The following SH3RF3 variants were observed in gnomAD, a reference collection of about 807,000 sequenced individuals.
SH3RF3 encodes the protein SH3 domain containing ring finger 3.
A neutral mutation model predicts 66.3 loss-of-function variants in SH3RF3; 29 were observed. That is an observed-to-expected ratio of 0.44 (90% CI 0.33 to 0.60). SH3RF3 has a LOEUF of 0.60. Among genes scored for constraint, SH3RF3 ranks in the 20% least tolerant of loss-of-function variants. SH3RF3 has a pLI of 0.04. For synonymous variants in SH3RF3, 583 were observed against 532.0 expected, an observed-to-expected ratio of 1.10 and a Z score of -1.32; for missense variants, 1,194 against 1,190.9, an observed-to-expected ratio of 1.00 and a Z score of -0.04.
chr2:109,235,010 T>C (rs1177102748), intron 1 of SH3RF3, among the ~76,000 whole-genome samples: 4 of 152,202 alleles, frequency 2.6e-5, no homozygotes, highest in Non-Finnish European at 4.4e-5. Flanking sequence ...TTATCTGATA[T>C]CTTTAGAAGC....
In SH3RF3 at chr2:109,408,596, G is replaced by A. The variant is rs546133750; in HGVS notation, c.1299+9653G>A. On this transcript the variant is annotated intron_variant, in intron 4 of 9. Coordinates refer to ENST00000309415, the MANE Select transcript of SH3RF3 (RefSeq NM_001099289.3). ...TCCCCTCTACCAGCCCGTGAGCTTC[G>A]CTGCGGCAAGAGAGTGCTTTCCCTC... is the stretch of plus-strand genomic sequence containing the variant. Among the ~76,000 whole-genome samples, 33 of 152,352 alleles carry A rather than the reference G, an allele frequency of 2.2e-4. No homozygotes were observed. The East Asian group carries it at 4.1e-3, about 19-fold the overall frequency.
At chr2:109,368,201 C>T (rs1027340392) in intron 2 of SH3RF3, among the ~76,000 whole-genome samples, 2 of 152,078 alleles carry the variant, frequency 1.3e-5, no homozygotes, top group Non-Finnish European at 2.9e-5. Context: ...AGACATTAAG[C>T]CTTTGTCTCT....
At chr2:109,240,113 C>A in intron 1 of SH3RF3, among the ~76,000 whole-genome samples, 1 of 152,164 alleles carries the variant, frequency 6.6e-6, no homozygotes, top group East Asian at 1.9e-4. Flanking sequence ...GTGAACCACA[C>A]CTGGGGATTC....
At chr2:109,484,063 CTTTCTT>C (rs751944984) in intron 8 of SH3RF3, among the ~76,000 whole-genome samples, 1,936 of 139,514 alleles carry the variant, frequency 0.014, 55 homozygotes, top group African/African-American at 0.049. Context: ...ATCCTCTGGC[CTTTCTT>C]TTTTTTTTTT....
intron 1 of SH3RF3, among the ~76,000 whole-genome samples, chr2:109,142,049 G>T (rs1676965627): frequency 1.3e-5 from 2 of 151,542 alleles, no homozygotes; most frequent in South Asian, 2.1e-4. Flanking sequence ...CTCCTGGGGG[G>T]GGGGTCTCAG....
At chr2:109,330,129 CACT>C (rs1322344599) in intron 1 of SH3RF3, among the ~76,000 whole-genome samples, 1 of 152,186 alleles carries the variant, frequency 6.6e-6, no homozygotes, top group Non-Finnish European at 1.5e-5. Context: ...CCTTTGCTCC[CACT>C]CTGGGGCAGC....
intron 1 of SH3RF3, among the ~76,000 whole-genome samples, chr2:109,340,086 G>A (rs551816172): frequency 1.8e-4 from 27 of 152,302 alleles, no homozygotes; most frequent in African/African-American, 5.5e-4. Flanking sequence ...GTTATCGGGA[G>A]TGTCTGGTGG....
chr2:109,233,577 T>G (rs2105193672), intron 1 of SH3RF3, among the ~76,000 whole-genome samples: 1 of 152,368 alleles, frequency 6.6e-6, no homozygotes, highest in South Asian at 2.1e-4. Context: ...TGTTCTCATT[T>G]AGGGCCATGG....
intron 1 of SH3RF3, among the ~76,000 whole-genome samples, chr2:109,200,782 G>A (rs770016664): frequency 9.2e-5 from 14 of 152,150 alleles, no homozygotes; most frequent in African/African-American, 7.2e-5. Flanking sequence ...CTTTAGGGCC[G>A]GCTGAGCACA....
intron 1 of SH3RF3, among the ~76,000 whole-genome samples, chr2:109,280,512 A>G (rs535922771): frequency 4.2e-4 from 64 of 152,294 alleles, no homozygotes; most frequent in African/African-American, 1.5e-3. Flanking sequence ...CTGGGGCTCC[A>G]CTGGGGCCAT....
At chr2:109,241,554 C>A (rs1679782456) in intron 1 of SH3RF3, among the ~76,000 whole-genome samples, 1 of 152,110 alleles carries the variant, frequency 6.6e-6, no homozygotes, top group Admixed American at 6.5e-5. Flanking sequence ...CCCTCCCACA[C>A]AACCTTCTTC....
intron 1 of SH3RF3, among the ~76,000 whole-genome samples, chr2:109,271,907 C>T (rs62151317): frequency 0.022 from 3,390 of 152,324 alleles, 54 homozygotes; most frequent in Non-Finnish European, 0.035. Flanking sequence ...CTAACCGCTA[C>T]GCACACACAC....
chr2:109,481,110 C>G (rs972150893), intron 8 of SH3RF3, among the ~76,000 whole-genome samples: 2 of 152,198 alleles, frequency 1.3e-5, no homozygotes, highest in African/African-American at 2.4e-5. Flanking sequence ...GACAGCTGTT[C>G]AGAAAGGCAG....
At chr2:109,206,676 C>T (rs1678849423) in intron 1 of SH3RF3, among the ~76,000 whole-genome samples, 1 of 151,860 alleles carries the variant, frequency 6.6e-6, no homozygotes. Flanking sequence ...ATTAGCTGGG[C>T]ATATTAGTGT....
chr2:109,249,810 C>T (rs1680041487), intron 1 of SH3RF3, among the ~76,000 whole-genome samples: 1 of 151,578 alleles, frequency 6.6e-6, no homozygotes, highest in African/African-American at 2.4e-5. Flanking sequence ...GCGCCCGCCA[C>T]CGCGCCCGGC....
At chr2:109,429,943 C>T (rs7600011) in intron 5 of SH3RF3, among the ~76,000 whole-genome samples, 65,595 of 152,108 alleles carry the variant, frequency 0.43, 14,231 homozygotes, top group Admixed American at 0.46. Flanking sequence ...TAGCCGCAGC[C>T]AATCCACGGA....
At chr2:109,280,912 A>G (rs1409979715) in intron 1 of SH3RF3, among the ~76,000 whole-genome samples, 1 of 152,182 alleles carries the variant, frequency 6.6e-6, no homozygotes, top group Non-Finnish European at 1.5e-5. Context: ...CTCACTGCAA[A>G]TGTGGAAACT....
chr2:109,374,983 A>G (rs1341867202), intron 3 of SH3RF3, among the ~76,000 whole-genome samples: 3 of 152,222 alleles, frequency 2.0e-5, no homozygotes, highest in African/African-American at 7.2e-5. Flanking sequence ...AGTGAGCTGA[A>G]GGGCACACAC....
intron 1 of SH3RF3, among the ~76,000 whole-genome samples, chr2:109,325,993 C>G (rs60658828): frequency 0.025 from 3,786 of 152,318 alleles, 195 homozygotes; most frequent in East Asian, 0.2. Context: ...TAAAGAAGAA[C>G]AACAACAAAC....
Sources: allele counts gnomAD v4.1 joint callset (sites outside exome capture counted in the v4.1 genomes callset), GRCh38; gene constraint gnomAD v4.1.1; transcripts MANE v1.5; gene names NCBI Gene and HGNC (gene_info 2026-07-23, HGNC 2026-07-21).